Variants in CSMD3 observed in about 807,000 individuals in gnomAD.
CSMD3 encodes the protein CUB and Sushi multiple domains 3.
Under a neutral mutation model 435.2 loss-of-function variants are expected in CSMD3, and 177 were observed. The observed-to-expected ratio is 0.41, with a 90% CI of 0.36 to 0.46. CSMD3 has a LOEUF of 0.46. Among genes scored for constraint, CSMD3 ranks in the 20% least tolerant of loss-of-function variants. The pLI is 0.34. For synonymous variants in CSMD3, 1,656 were observed against 1,520.5 expected (o/e 1.09, Z -2.07); for missense variants, 4,265 against 4,504.6 (o/e 0.95, Z 1.52).
intron 1 of CSMD3, among the ~76,000 whole-genome samples, chr8:113,402,861 G>A (rs563246532): frequency 9.9e-5 from 15 of 151,362 alleles, no homozygotes; most frequent in African/African-American, 2.4e-4. Context: ...AGAGTATGCC[G>A]TAGTAAAATA....
intron 22 of CSMD3, among the ~76,000 whole-genome samples, chr8:112,600,116 A>C (rs1027999150): frequency 6.6e-6 from 1 of 152,136 alleles, no homozygotes; most frequent in African/African-American, 2.4e-5. Flanking sequence ...ACTTAAAACT[A>C]GGCTAAGAAG....
intron 13 of CSMD3, among the ~76,000 whole-genome samples, chr8:112,778,140 G>A (rs910769759): frequency 5.3e-5 from 8 of 151,638 alleles, no homozygotes; most frequent in South Asian, 2.1e-4. Flanking sequence ...CCTCCTTCAC[G>A]TACAACCTCC....
At chr8:112,531,636 T>G (rs185807588) in intron 27 of CSMD3, among the ~76,000 whole-genome samples, 3 of 152,284 alleles carry the variant, frequency 2.0e-5, no homozygotes, top group Admixed American at 2.0e-4. Context: ...ATGGTTGCAG[T>G]GCAGTTGGAC....
intron 1 of CSMD3, among the ~76,000 whole-genome samples, chr8:113,367,660 T>A (rs1217947993): frequency 1.3e-5 from 2 of 152,118 alleles, no homozygotes; most frequent in African/African-American, 4.8e-5. Context: ...TTCTTGCGTC[T>A]GGCTTCCTTT....
chr8:112,274,656 T>G (rs892448072), intron 59 of CSMD3, among the ~76,000 whole-genome samples: 2 of 152,078 alleles, frequency 1.3e-5, no homozygotes, highest in Non-Finnish European at 2.9e-5. Context: ...CATACAGAAT[T>G]CTATACCCAG....
intron 6 of CSMD3, among the ~76,000 whole-genome samples, chr8:112,978,648 C>T (rs1487194227): frequency 2.0e-5 from 3 of 151,984 alleles, no homozygotes; most frequent in East Asian, 1.9e-4. Context: ...TGAAATAAAG[C>T]ATTAAACCCC....
chr8:113,418,447 G>GC (rs1212531419), intron 1 of CSMD3, among the ~76,000 whole-genome samples: 2 of 152,088 alleles, frequency 1.3e-5, no homozygotes, highest in African/African-American at 4.8e-5. Context: ...TAGTTGGAGT[G>GC]GGTAGTAAGA....
intron 13 of CSMD3, among the ~76,000 whole-genome samples, chr8:112,700,619 C>A (rs2076369052): frequency 6.6e-6 from 1 of 152,146 alleles, no homozygotes; most frequent in Non-Finnish European, 1.5e-5. Context: ...AAGTGACACT[C>A]ATGACCATTT....
intron 1 of CSMD3, among the ~76,000 whole-genome samples, chr8:113,322,197 G>C (rs2093953743): frequency 6.6e-6 from 1 of 151,926 alleles, no homozygotes; most frequent in South Asian, 2.1e-4. Flanking sequence ...TATCGCCTCA[G>C]ATTTGTGTAA....
At chr8:112,766,756 G>A (rs910365987) in intron 13 of CSMD3, among the ~76,000 whole-genome samples, 2 of 151,806 alleles carry the variant, frequency 1.3e-5, no homozygotes, top group Non-Finnish European at 2.9e-5. Flanking sequence ...AATGAAAAAG[G>A]AGAAGCAGCA....
intron 37 of CSMD3, 39 bp downstream of exon 37, chr8:112,383,528 T>G: frequency 9.0e-7 from 1 of 1,107,588 alleles, no homozygotes; most frequent in Non-Finnish European, 1.4e-6. Flanking sequence ...TATTCCTAAT[T>G]ATATCTGTAT....
chr8:113,339,545 G>T (rs975134730), intron 1 of CSMD3, among the ~76,000 whole-genome samples: 1 of 152,054 alleles, frequency 6.6e-6, no homozygotes, highest in Admixed American at 6.5e-5. Flanking sequence ...TCTCTTAGGA[G>T]AAATAATATA....
chr8:113,285,409 C>T (rs1588441951), intron 2 of CSMD3, among the ~76,000 whole-genome samples: 1 of 151,978 alleles, frequency 6.6e-6, no homozygotes, highest in South Asian at 2.1e-4. Flanking sequence ...TACAGGCGCC[C>T]GCCACCACGC....
chr8:112,976,194 T>G, intron 6 of CSMD3, 46 bp from the exon 7 acceptor site: 1 of 1,598,486 alleles, frequency 6.3e-7, no homozygotes, highest in Non-Finnish European at 8.6e-7. Flanking sequence ...CTTTTTAAAT[T>G]TTGTTTATTT....
At chr8:113,210,427 C>T (rs2092820508) in intron 3 of CSMD3, among the ~76,000 whole-genome samples, 1 of 151,840 alleles carries the variant, frequency 6.6e-6, no homozygotes, top group South Asian at 2.1e-4. Context: ...ATCTATTTCT[C>T]ATTCCTCAAA....
At chr8:113,175,759 A>T (rs1453908348) in intron 3 of CSMD3, among the ~76,000 whole-genome samples, 1 of 152,066 alleles carries the variant, frequency 6.6e-6, no homozygotes, top group East Asian at 1.9e-4. Context: ...AACAAAGGAG[A>T]TACTTTTAAT....
chr8:112,599,540 A>C (rs1832114721), intron 22 of CSMD3, among the ~76,000 whole-genome samples: 1 of 151,910 alleles, frequency 6.6e-6, no homozygotes, highest in Admixed American at 6.6e-5. Context: ...AAGGACTATA[A>C]ATCATGCTGC....
chr8:112,334,438 C>T (rs569954430), intron 45 of CSMD3, among the ~76,000 whole-genome samples: 1 of 152,228 alleles, frequency 6.6e-6, no homozygotes, highest in South Asian at 2.1e-4. Flanking sequence ...CTAAGTCATA[C>T]ATTATGTAAT....
chr8:113,144,780 C>A (rs2091633578), intron 4 of CSMD3, among the ~76,000 whole-genome samples: 1 of 151,352 alleles, frequency 6.6e-6, no homozygotes, highest in African/African-American at 2.4e-5. Context: ...AAGGCCCTGG[C>A]CTAGATGCTG....
Sources: allele counts gnomAD v4.1 joint callset (sites outside exome capture counted in the v4.1 genomes callset), GRCh38; gene constraint gnomAD v4.1.1; transcripts MANE v1.5; gene names NCBI Gene and HGNC (gene_info 2026-07-23, HGNC 2026-07-21).